The following RAP1A variants were observed in gnomAD, a reference collection of about 807,000 sequenced individuals.
RAP1A encodes the protein RAP1A, member of RAS oncogene family.
Under a neutral mutation model 26.4 loss-of-function variants are expected in RAP1A, and 6 were observed. That is an observed-to-expected ratio of 0.23 (90% CI 0.12 to 0.45). The LOEUF (loss-of-function observed/expected upper bound fraction) is 0.45. Ranked by LOEUF, RAP1A falls within the 20% of genes least tolerant of loss-of-function variation. The probability of loss-of-function intolerance (pLI) is 0.99; values close to 1 mark genes in which losing one functional copy is unlikely to be tolerated. For missense variants in RAP1A, 121 were observed against 217.2 expected, an observed-to-expected ratio of 0.56 and a Z score of 2.78; for synonymous variants, 73 against 79.4, an observed-to-expected ratio of 0.92 and a Z score of 0.43.
intron 3 of RAP1A, among the ~76,000 whole-genome samples, chr1:111,696,861 T>G (rs1422409432): frequency 1.3e-5 from 2 of 152,126 alleles, no homozygotes; most frequent in Admixed American, 6.6e-5. Context: ...TCTAGAAAAG[T>G]GCCTTTTTCT....
intron 4 of RAP1A, among the ~76,000 whole-genome samples, chr1:111,702,993 A>G (rs1662070169): frequency 1.3e-5 from 2 of 152,374 alleles, no homozygotes; most frequent in South Asian, 2.1e-4. Flanking sequence ...GTCATAGTTT[A>G]GTATTGGGCT....
At chr1:111,571,038 GC>G (rs1658038351) in intron 1 of RAP1A, among the ~76,000 whole-genome samples, 1 of 152,196 alleles carries the variant, frequency 6.6e-6, no homozygotes, top group African/African-American at 2.4e-5. Context: ...TCACAAGACT[GC>G]CCCCACTTCA....
intron 1 of RAP1A, among the ~76,000 whole-genome samples, chr1:111,600,672 G>GAGGGC (rs1419365439): frequency 6.6e-6 from 1 of 152,224 alleles, no homozygotes; most frequent in African/African-American, 2.4e-5. Context: ...GCAGTGTGGG[G>GAGGGC]AGGGCACCAG....
At chr1:111,556,504 G>A (rs772291335) in intron 1 of RAP1A, among the ~76,000 whole-genome samples, 1 of 152,184 alleles carries the variant, frequency 6.6e-6, no homozygotes, top group Admixed American at 6.5e-5. Context: ...CAACCCAAAT[G>A]TGTATAGATG....
intron 1 of RAP1A, among the ~76,000 whole-genome samples, chr1:111,687,590 A>G: frequency 6.6e-6 from 1 of 152,134 alleles, no homozygotes; most frequent in Non-Finnish European, 1.5e-5. Context: ...TACTTTCAAA[A>G]CATACTATAT....
chr1:111,587,929 G>C (rs977526056), intron 1 of RAP1A, among the ~76,000 whole-genome samples: 6 of 151,634 alleles, frequency 4.0e-5, no homozygotes, highest in Non-Finnish European at 7.4e-5. Flanking sequence ...TTATTCTTTG[G>C]TCAGACAGAA....
exon 1 of RAP1A, chr1:111,542,292 A>G: frequency 1.9e-6 from 1 of 538,570 alleles, no homozygotes; most frequent in Non-Finnish European, 3.5e-6. Flanking sequence ...GCCGGTTCGA[A>G]CACACGCGAC....
At chr1:111,642,542 C>T (rs1659924138) in intron 1 of RAP1A, among the ~76,000 whole-genome samples, 1 of 149,288 alleles carries the variant, frequency 6.7e-6, no homozygotes, top group Non-Finnish European at 1.5e-5. Context: ...GGCTAGAGTT[C>T]AGTGGCACTA....
chr1:111,613,240 C>T (rs1272031745), intron 1 of RAP1A, among the ~76,000 whole-genome samples: 1 of 151,574 alleles, frequency 6.6e-6, no homozygotes, highest in Non-Finnish European at 1.5e-5. Flanking sequence ...TGCTCTGTCA[C>T]CCAGGCTGGA....
At chr1:111,630,749 C>CA (rs1451443113) in intron 1 of RAP1A, among the ~76,000 whole-genome samples, 2 of 152,084 alleles carry the variant, frequency 1.3e-5, no homozygotes, top group Admixed American at 6.6e-5. Context: ...GGAAGCAGAT[C>CA]ATCATGTTTG....
intron 1 of RAP1A, among the ~76,000 whole-genome samples, chr1:111,607,856 C>T (rs1160207278): frequency 1.8e-5 from 2 of 109,694 alleles, no homozygotes; most frequent in Non-Finnish European, 3.9e-5. Flanking sequence ...GGCGGCTGGC[C>T]GGGCGGGGCC....
chr1:111,624,736 C>T (rs1659340997), intron 1 of RAP1A, among the ~76,000 whole-genome samples: 1 of 152,032 alleles, frequency 6.6e-6, no homozygotes, highest in Non-Finnish European at 1.5e-5. Flanking sequence ...AGAGTTGAAA[C>T]AGGAAATAAC....
chr1:111,593,375 T>TA (rs1329283319), intron 1 of RAP1A, among the ~76,000 whole-genome samples: 3 of 152,248 alleles, frequency 2.0e-5, no homozygotes, highest in Admixed American at 6.5e-5. Context: ...ATCTGGGTGA[T>TA]AAGAGTCAGG....
At chr1:111,554,991 A>T (rs1253169359) in intron 1 of RAP1A, among the ~76,000 whole-genome samples, 1 of 152,158 alleles carries the variant, frequency 6.6e-6, no homozygotes, top group African/African-American at 2.4e-5. Flanking sequence ...ATGGCTACAG[A>T]ATATTTTTTA....
At chr1:111,698,099 ATTC>A (rs1048957084) in intron 4 of RAP1A, among the ~76,000 whole-genome samples, 16 of 152,080 alleles carry the variant, frequency 1.1e-4, no homozygotes, top group African/African-American at 2.7e-4. Flanking sequence ...ATTTGCTTTT[ATTC>A]TTCTTCATTA....
intron 1 of RAP1A, among the ~76,000 whole-genome samples, chr1:111,606,784 T>C (rs1201541800): frequency 1.3e-5 from 2 of 152,214 alleles, no homozygotes; most frequent in African/African-American, 4.8e-5. Context: ...AGTTTTATTG[T>C]AACAGCTCAA....
chr1:111,587,157 A>G (rs975195992), intron 1 of RAP1A, among the ~76,000 whole-genome samples: 2 of 152,080 alleles, frequency 1.3e-5, no homozygotes, highest in Non-Finnish European at 2.9e-5. Flanking sequence ...TGCCTTCTGC[A>G]TCCAGGTGGC....
chr1:111,658,977 G>A (rs775700637), intron 1 of RAP1A, among the ~76,000 whole-genome samples: 5 of 152,056 alleles, frequency 3.3e-5, no homozygotes, highest in Non-Finnish European at 7.4e-5. Flanking sequence ...TGCCTTTATC[G>A]TTATGTAATA....
At chr1:111,572,713 T>G (rs183754252) in intron 1 of RAP1A, among the ~76,000 whole-genome samples, 2 of 152,346 alleles carry the variant, frequency 1.3e-5, no homozygotes, top group African/African-American at 4.8e-5. Flanking sequence ...TTCTCAGGAC[T>G]GAAGAGGTTA....
Sources: gnomAD v4.1 joint callset for allele counts (sites outside exome capture counted in the v4.1 genomes callset) on GRCh38, gnomAD v4.1.1 for gene constraint, MANE v1.5 for transcripts, NCBI Gene and HGNC (gene_info 2026-07-23, HGNC 2026-07-21) for gene names.